The following UNC5A variants were observed in gnomAD, a reference collection of about 807,000 sequenced individuals.
The protein encoded by UNC5A is netrin receptor UNC5A.
A neutral mutation model predicts 87.4 loss-of-function variants in UNC5A; 20 were observed. That is an observed-to-expected ratio of 0.23 (90% confidence interval 0.16 to 0.33). The LOEUF (loss-of-function observed/expected upper bound fraction) is 0.33. UNC5A is among the 10% of genes least tolerant of loss of function. The probability of loss-of-function intolerance (pLI) is 1.00; values close to 1 mark genes in which losing one functional copy is unlikely to be tolerated. For synonymous variants in UNC5A, 438 were observed against 482.3 expected (o/e 0.91, Z 1.20); for missense variants, 844 against 1,133.4 (o/e 0.74, Z 3.67).
At position 176,868,804 on chromosome 5, in the gene UNC5A, G is replaced by A. The variant is rs1263443704; in HGVS notation, c.561G>A (p.Glu187=). Residue 187 remains glutamate (E), a synonymous_variant, in exon 5 of 15, where the codon GAG becomes GAA. Coordinates refer to ENST00000329542, the MANE Select transcript of UNC5A (RefSeq NM_133369.3). ...PPAEVEWLRN[E]DLVDPSLDPN... ...CCTAGGTGGAGTGGCTCCGGAACGA[G>A]GACCTGGTGGACCCGTCCCTGGACC... is the stretch of plus-strand genomic sequence containing the variant. The A allele has an allele frequency of 6.2e-7, 1 of 1,602,834 alleles. No homozygotes were observed. Among genetic ancestry groups the A allele is most frequent in the East Asian group, 2.2e-5 (1 of 44,536 alleles).
intron 1 of UNC5A, among the ~76,000 whole-genome samples, chr5:176,854,451 C>G (rs750838471): frequency 1.4e-4 from 21 of 152,174 alleles, no homozygotes; most frequent in Non-Finnish European, 2.5e-4. Context: ...AGTGCTCAGC[C>G]CCACTCCCCT....
Position 176,832,309 on chromosome 5 carries a change from A to G in UNC5A, c.70+21489A>G, listed in dbSNP as rs115641549. On this transcript the variant is annotated intron_variant, in intron 1 of 14. Transcript: ENST00000329542. ...TGGAGAAGTCAGGTGTTTGGCTGGC[A>G]GTCTGATTTCACAGGGCTGGAGTGA... is the stretch of plus-strand genomic sequence containing the variant. 9.5e-3 allele frequency among the ~76,000 whole-genome samples: 1,450 copies of G among 152,272 alleles called. 27 individuals carry two copies. Among genetic ancestry groups the G allele is most frequent in the African/African-American group, 0.033 (1,370 of 41,546 alleles).
intron 1 of UNC5A, among the ~76,000 whole-genome samples, chr5:176,820,928 C>G (rs2113587885): frequency 6.6e-6 from 1 of 152,364 alleles, no homozygotes; most frequent in Non-Finnish European, 1.5e-5. Flanking sequence ...CTTCTCTCAA[C>G]AACCCAGTCT....
intron 2 of UNC5A, among the ~76,000 whole-genome samples, chr5:176,867,399 AC>A (rs1425399822): frequency 1.3e-5 from 2 of 151,746 alleles, no homozygotes; most frequent in Admixed American, 1.3e-4. Context: ...CGGGTCCTAG[AC>A]CCCCAGCTCC....
chr5:176,854,933 G>A (rs549264322), intron 1 of UNC5A, among the ~76,000 whole-genome samples: 1 of 152,224 alleles, frequency 6.6e-6, no homozygotes, highest in African/African-American at 2.4e-5. Context: ...CCTGGAGGAG[G>A]GGGTGTTTGA....
In UNC5A at chr5:176,810,806, G is replaced by C; in HGVS notation, c.56G>C (p.Trp19Ser). 8.2e-7 allele frequency: 1 copy of C among 1,222,076 alleles called. No individual in the cohort carries two copies. Among genetic ancestry groups the C allele is most frequent in the Non-Finnish European group, 1.0e-6 (1 of 981,578 alleles). 75.7% of individuals were successfully genotyped at this position (1,222,076 alleles called of 1,614,324 possible). ...CTCCTGGGCATAGTCCTCGCCGCTT[G>C]GCTCCGCGGCTCGGGTGAGTCACGC... The part of the protein sequence containing the change: ...PALLGIVLAA[W>S]LRGSGAQQSA... The change falls in exon 1 of 15, where the codon TGG becomes TCG. Residue 19 changes from tryptophan to serine, a missense_variant. Physicochemically the swap from Trp to Ser is radical, Grantham distance 177. Around this residue, in one of 3 missense-constraint regions of UNC5A, gnomAD observed 314 missense variants for 466.5 expected, o/e 0.67. Transcript: ENST00000329542. The surrounding 1 kb of genome is among the most constrained non-coding windows in gnomAD (Gnocchi z 7.3).
intron 8 of UNC5A, 113 bp from the exon 9 acceptor site, chr5:176,877,079 A>C (rs1202801741): frequency 1.2e-6 from 1 of 834,496 alleles, no homozygotes; most frequent in Non-Finnish European, 1.9e-6. Flanking sequence ...CTCTGTCCCC[A>C]GGCCGGGCTG....
chr5:176,841,131 C>T lies in UNC5A; in HGVS notation c.71-21493C>T, dbSNP rs1757266310. Reference sequence around the variant, plus strand: ...AACTGTTCTCATCTCTTCAGCTAAACTTGTAAGGTCAGGGGGTCAGGACCA... The same window carrying T: ...AACTGTTCTCATCTCTTCAGCTAAATTTGTAAGGTCAGGGGGTCAGGACCA... On this transcript the variant is annotated intron_variant, in intron 1 of 14. Transcript: ENST00000329542. The surrounding 1 kb of genome is among the most constrained non-coding windows in gnomAD (Gnocchi z 4.1). 6.6e-6 allele frequency among the ~76,000 whole-genome samples: 1 copy of T among 152,254 alleles called. No homozygotes were observed. The highest frequency in any genetic ancestry group is 1.5e-5 in the Non-Finnish European group (1 of 68,044).
At chr5:176,846,221 A>G (rs1020262318) in intron 1 of UNC5A, among the ~76,000 whole-genome samples, 4 of 152,184 alleles carry the variant, frequency 2.6e-5, no homozygotes, top group Admixed American at 1.3e-4. Flanking sequence ...AGAGCAGAAC[A>G]GAGCACAGAG....
rs1205045816 is a variant in UNC5A, at chr5:176,868,113, GC to G, written c.293-13del. ...GGTGGCCCTGGGGCTCTGACTACCT[GC>G]CCCTCCCGCCCCCAGGGCTGCCCAC... On this transcript the variant is annotated splice_polypyrimidine_tract_variant and intron_variant, in intron 2 of 14. Transcript: ENST00000329542. 3.1e-6 allele frequency: 5 copies of G among 1,608,026 alleles called. No individual in the cohort carries two copies. Among genetic ancestry groups the G allele is most frequent in the Admixed American group, 1.7e-5 (1 of 58,890 alleles).
At chr5:176,855,355 G>A (rs1212580580) in intron 1 of UNC5A, among the ~76,000 whole-genome samples, 1 of 152,208 alleles carries the variant, frequency 6.6e-6, no homozygotes, top group Non-Finnish European at 1.5e-5. Flanking sequence ...CCAAGATGCT[G>A]GAATCCCGTC....
At chr5:176,858,272 C>T (rs1165708189) in intron 1 of UNC5A, among the ~76,000 whole-genome samples, 1 of 152,110 alleles carries the variant, frequency 6.6e-6, no homozygotes, top group Non-Finnish European at 1.5e-5. Context: ...GTGTGGTTTC[C>T]CAGGAGAGTT....
chr5:176,814,270 C>G (rs1756536178), intron 1 of UNC5A, among the ~76,000 whole-genome samples: 1 of 152,204 alleles, frequency 6.6e-6, no homozygotes. Flanking sequence ...CTTGAGCCCC[C>G]TTGGGCCCTT....
At chr5:176,832,258 G>A (rs1019710402) in intron 1 of UNC5A, among the ~76,000 whole-genome samples, 22 of 152,096 alleles carry the variant, frequency 1.4e-4, no homozygotes, top group African/African-American at 4.3e-4. Context: ...TTATGCTCCC[G>A]TTTTAGAGAT....
In UNC5A at chr5:176,878,350, T is replaced by G; in HGVS notation, c.1976T>G (p.Val659Gly). 6.2e-7 allele frequency: 1 copy of G among 1,613,620 alleles called. No homozygotes were observed. Among genetic ancestry groups the G allele is most frequent in the Non-Finnish European group, 8.5e-7 (1 of 1,180,018 alleles). The change falls in exon 12 of 15, where the codon GTG (valine) becomes GGG (glycine). Residue 659 changes from valine to glycine, a missense_variant. By Grantham distance (109) the Val-to-Gly change is moderately radical. Coordinates refer to ENST00000329542, the MANE Select transcript of UNC5A (RefSeq NM_133369.3). ...AACCTGCGCCTATCCATCCACGATG[T>G]GCCCAGCTCCCTGTGGAAGAGTAAG... ...YHNLRLSIHD[V>G]PSSLWKSKLL...
intron 2 of UNC5A, 118 bp downstream of exon 2, chr5:176,862,963 G>T (rs1261744730): frequency 1.3e-5 from 15 of 1,193,814 alleles, no homozygotes; most frequent in Non-Finnish European, 1.7e-5. Flanking sequence ...GCCTTCCCCA[G>T]AGGCCACAAC....
At chr5:176,827,000 C>T (rs1008258719) in intron 1 of UNC5A, among the ~76,000 whole-genome samples, 1 of 151,886 alleles carries the variant, frequency 6.6e-6, no homozygotes, top group African/African-American at 2.4e-5. Context: ...TCTCCCCTTG[C>T]CCCAGCCCCT....
At chr5:176,876,929 C>T (rs1758275559) in intron 8 of UNC5A, among the ~76,000 whole-genome samples, 2 of 152,206 alleles carry the variant, frequency 1.3e-5, no homozygotes, top group African/African-American at 4.8e-5. Context: ...TACCGCATAC[C>T]TTCTGTCCCC....
At chr5:176,825,346 A>C (rs946611036) in intron 1 of UNC5A, among the ~76,000 whole-genome samples, 4 of 152,154 alleles carry the variant, frequency 2.6e-5, no homozygotes, top group Non-Finnish European at 5.9e-5. Context: ...GGTTTTGAGC[A>C]GGAGGGGAGG....
Sources: gnomAD v4.1 joint callset for allele counts (sites outside exome capture counted in the v4.1 genomes callset) on GRCh38, gnomAD v4.1.1 for gene constraint, gnomAD v4.1.1 regional missense constraint, Gnocchi (gnomAD v3.1) non-coding constraint, MANE v1.5 for transcripts, NCBI Gene and HGNC (gene_info 2026-07-23, HGNC 2026-07-21) for gene names.